The following GPHN variants were observed in gnomAD, a reference collection of about 807,000 sequenced individuals.
The protein encoded by GPHN is gephyrin.
GPHN carries 17 observed loss-of-function variants against 95.5 expected under a neutral mutation model. The observed-to-expected ratio is 0.18, with a 90% CI of 0.12 to 0.27. GPHN has a LOEUF of 0.27. Among genes scored for constraint, GPHN ranks in the 10% least tolerant of loss-of-function variants. The pLI is 1.00. For synonymous variants in GPHN, 320 were observed against 322.5 expected (o/e 0.99, Z 0.08); for missense variants, 660 against 978.1 (o/e 0.67, Z 4.34).
the GPHN span, chr14:67,472,766 T>C: frequency 0.11 from 17,224 of 152,734 alleles, 1,016 homozygotes; most frequent in Middle Eastern, 0.14. Flanking sequence ...ACACGGGGAT[T>C]GAAACCTCCA....
the GPHN span, among the ~76,000 whole-genome samples, chr14:67,670,569 T>TC: frequency 8.3e-6 from 1 of 120,684 alleles, no homozygotes; most frequent in African/African-American, 2.6e-5. Flanking sequence ...TTTGTTACCT[T>TC]TTTTTTTTTC....
chr14:67,393,705 C>T, the GPHN span, among the ~76,000 whole-genome samples: 5 of 152,112 alleles, frequency 3.3e-5, no homozygotes, highest in African/African-American at 1.2e-4. Context: ...CCGCCTGCCT[C>T]AGCCTCCGAA....
the GPHN span, chr14:67,583,915 A>C: frequency 6.2e-7 from 1 of 1,612,044 alleles, no homozygotes; most frequent in Non-Finnish European, 8.5e-7. Flanking sequence ...GCAGCAAGTC[A>C]CTGTGGGGAG....
intron 18 of GPHN, among the ~76,000 whole-genome samples, chr14:67,153,472 TA>T (rs1157677059): frequency 6.6e-6 from 1 of 152,150 alleles, no homozygotes; most frequent in Non-Finnish European, 1.5e-5. Flanking sequence ...GGCCTCTTCT[TA>T]TAATGGCACT....
chr14:67,134,950 C>CTTTT (rs2079966122), intron 17 of GPHN, among the ~76,000 whole-genome samples: 6 of 48,980 alleles, frequency 1.2e-4, no homozygotes, highest in African/African-American at 2.5e-4. Context: ...TTCTTTCTTT[C>CTTTT]TTCTTTTTTT....
At chr14:66,635,046 A>G (rs1238114280) in intron 1 of GPHN, among the ~76,000 whole-genome samples, 1 of 152,164 alleles carries the variant, frequency 6.6e-6, no homozygotes, top group Non-Finnish European at 1.5e-5. Flanking sequence ...CCTTACTCAC[A>G]TGGTTAGCAG....
At chr14:66,691,503 TA>T (rs962638709) in intron 2 of GPHN, among the ~76,000 whole-genome samples, 5 of 152,158 alleles carry the variant, frequency 3.3e-5, no homozygotes, top group South Asian at 4.1e-4. Context: ...TTTAAGTGAT[TA>T]AAAAAAATTT....
the GPHN span, among the ~76,000 whole-genome samples, chr14:67,491,861 G>A: frequency 3.9e-5 from 6 of 152,314 alleles, no homozygotes; most frequent in African/African-American, 1.4e-4. Flanking sequence ...TGTCTGTCCA[G>A]CTCCCCCAGG....
chr14:66,792,181 C>T (rs181710503), intron 3 of GPHN, among the ~76,000 whole-genome samples: 43 of 152,056 alleles, frequency 2.8e-4, no homozygotes, highest in Admixed American at 1.4e-3. Context: ...GTAAGAATGT[C>T]GTAACTCCTG....
the GPHN span, among the ~76,000 whole-genome samples, chr14:67,645,177 C>CTT: frequency 1.4e-5 from 2 of 143,582 alleles, no homozygotes; most frequent in East Asian, 2.0e-4. Context: ...ACCTAGATTT[C>CTT]TTTTTTTTTT....
chr14:67,350,539 T>C, the GPHN span: 3 of 1,324,016 alleles, frequency 2.3e-6, no homozygotes, highest in Admixed American at 2.1e-5. Flanking sequence ...AATTAAAAAA[T>C]GCTTTTTAAA....
At chr14:66,916,115 C>T in intron 6 of GPHN, 46 bp downstream of exon 6, 4 of 1,303,436 alleles carry the variant, frequency 3.1e-6, no homozygotes, top group Non-Finnish European at 4.5e-6. Context: ...GAGCTTTTGA[C>T]CAGCCGTGAA....
the GPHN span, among the ~76,000 whole-genome samples, chr14:67,284,910 T>G: frequency 6.6e-6 from 1 of 152,050 alleles, no homozygotes; most frequent in Non-Finnish European, 1.5e-5. Flanking sequence ...TAAAAAATTT[T>G]TATTTTTATT....
the GPHN span, among the ~76,000 whole-genome samples, chr14:67,198,493 G>C: frequency 6.6e-6 from 1 of 152,158 alleles, no homozygotes; most frequent in Non-Finnish European, 1.5e-5. Context: ...AATGTTAAAG[G>C]ACATTTACTT....
chr14:67,098,974 ATGT>A, intron 12 of GPHN, among the ~76,000 whole-genome samples: 1 of 152,310 alleles, frequency 6.6e-6, no homozygotes, highest in Admixed American at 6.5e-5. Context: ...AAGATAATTG[ATGT>A]TTTAATTTTC....
At chr14:67,046,138 CTTATT>C (rs1369620330) in intron 10 of GPHN, among the ~76,000 whole-genome samples, 42 of 151,348 alleles carry the variant, frequency 2.8e-4, no homozygotes, top group African/African-American at 8.2e-4. Context: ...TTCATAAATT[CTTATT>C]TTATTTTATT....
chr14:66,790,796 T>A (rs1694955922), intron 3 of GPHN, among the ~76,000 whole-genome samples: 1 of 152,192 alleles, frequency 6.6e-6, no homozygotes, highest in Admixed American at 6.5e-5. Flanking sequence ...GGCAGCCACT[T>A]GTCAGTAATG....
chr14:67,612,260 C>T, the GPHN span, among the ~76,000 whole-genome samples: 1 of 152,182 alleles, frequency 6.6e-6, no homozygotes, highest in African/African-American at 2.4e-5. Context: ...AAGACCCCTT[C>T]TCCCAGAGCC....
chr14:67,218,959 G>A, the GPHN span, among the ~76,000 whole-genome samples: 52 of 152,088 alleles, frequency 3.4e-4, no homozygotes, highest in Admixed American at 3.3e-4. Flanking sequence ...TGGTGTTGTC[G>A]TGTTCAGCCA....
Sources: allele counts gnomAD v4.1 joint callset (sites outside exome capture counted in the v4.1 genomes callset), GRCh38; gene constraint gnomAD v4.1.1; transcripts MANE v1.5; gene names NCBI Gene and HGNC (gene_info 2026-07-23, HGNC 2026-07-21).